The following CARMIL1 variants were observed in gnomAD, a reference collection of about 807,000 sequenced individuals.
CARMIL1 encodes capping protein regulator and myosin 1 linker 1.
Under a neutral mutation model 177.1 loss-of-function variants are expected in CARMIL1, and 90 were observed. That is an observed-to-expected ratio of 0.51 (90% confidence interval 0.43 to 0.61). CARMIL1 has a LOEUF of 0.61. CARMIL1 is among the 20% of genes least tolerant of loss of function. The pLI, the probability that CARMIL1 is intolerant of heterozygous loss-of-function variation, is 0.00. For synonymous variants in CARMIL1, 577 were observed against 606.2 expected, an observed-to-expected ratio of 0.95 and a Z score of 0.71; for missense variants, 1,380 against 1,667.0, an observed-to-expected ratio of 0.83 and a Z score of 3.00.
intron 17 of CARMIL1, among the ~76,000 whole-genome samples, chr6:25,502,444 A>C (rs575408778): frequency 6.6e-6 from 1 of 151,826 alleles, no homozygotes; most frequent in East Asian, 1.9e-4. Flanking sequence ...AATCCCAGCT[A>C]CTTGGGAGGC....
In CARMIL1 at chr6:25,577,677, G is replaced by C. The variant is rs3827502; in HGVS notation, c.2743-3247G>C. The stretch of plus-strand genomic sequence containing the variant: ...TTTGACAGGAAAAAAATGTTACGTT[G>C]TTTGGAAGGTTCCAAGATTAGTCTT... On this transcript the variant is annotated intron_variant, in intron 29 of 36. Coordinates refer to ENST00000329474, the MANE Select transcript of CARMIL1 (RefSeq NM_017640.6). The surrounding 1 kb of genome is among the most constrained non-coding windows in gnomAD (Gnocchi z 4.5). Among the ~76,000 whole-genome samples, 22,982 of 152,054 alleles carry C rather than the reference G, an allele frequency of 0.15. 1,840 individuals are homozygous for C. Among genetic ancestry groups the C allele is most frequent in the Middle Eastern group, 0.23 (67 of 294 alleles).
At chr6:25,590,916 T>G (rs1299240575) in intron 31 of CARMIL1, among the ~76,000 whole-genome samples, 1 of 152,186 alleles carries the variant, frequency 6.6e-6, no homozygotes, top group Non-Finnish European at 1.5e-5. Context: ...TTATCAATCC[T>G]CTCAAGTTCA....
chr6:25,458,525 C>G (rs1799735958), intron 8 of CARMIL1, among the ~76,000 whole-genome samples: 1 of 149,712 alleles, frequency 6.7e-6, no homozygotes, highest in Non-Finnish European at 1.5e-5. Flanking sequence ...AAATCAGAAG[C>G]CAAATGATTG....
chr6:25,559,118 T>G (rs1378606708), intron 29 of CARMIL1, among the ~76,000 whole-genome samples: 1 of 152,168 alleles, frequency 6.6e-6, no homozygotes, highest in Non-Finnish European at 1.5e-5. Context: ...ACCTTTCACA[T>G]GGCAGCAGCT....
At chr6:25,535,259 G>A (rs1808169625) in intron 24 of CARMIL1, among the ~76,000 whole-genome samples, 1 of 152,176 alleles carries the variant, frequency 6.6e-6, no homozygotes, top group South Asian at 2.1e-4. Flanking sequence ...TACAGGAAAG[G>A]AGGTCAAGGA....
chr6:25,607,923 A>T (rs1177293637), intron 35 of CARMIL1, among the ~76,000 whole-genome samples: 1 of 152,194 alleles, frequency 6.6e-6, no homozygotes, highest in Non-Finnish European at 1.5e-5. Flanking sequence ...TTCTACTCAA[A>T]CTTTTTCCCA....
intron 2 of CARMIL1, among the ~76,000 whole-genome samples, chr6:25,331,471 C>T (rs1785620525): frequency 6.6e-6 from 1 of 152,182 alleles, no homozygotes; most frequent in Non-Finnish European, 1.5e-5. Context: ...TTAATTAGCC[C>T]CACCCAGGCT....
At chr6:25,594,032 G>A (rs1814574719) in intron 31 of CARMIL1, among the ~76,000 whole-genome samples, 1 of 152,034 alleles carries the variant, frequency 6.6e-6, no homozygotes, top group South Asian at 2.1e-4. Context: ...ACACCTCAGG[G>A]CCCTGGAGTC....
In CARMIL1 at chr6:25,450,946, C is replaced by CCTCTCCTCTT. The variant is rs1562155076; in HGVS notation, c.614+244_614+245insTCTCTCCTCT. Among the ~76,000 whole-genome samples the CCTCTCCTCTT allele has an allele frequency of 6.7e-3, 103 of 15,364 alleles. 17 individuals carry two copies. Among genetic ancestry groups the CCTCTCCTCTT allele is most frequent in the East Asian group, 0.02 (4 of 198 alleles). 10.1% of individuals were successfully genotyped at this position (15,364 alleles called of 152,430 possible). A position where few individuals can be genotyped will look rare whatever the true frequency, so the allele number is the denominator to read the frequency against. On this transcript the variant is annotated intron_variant, in intron 8 of 36. Coordinates refer to ENST00000329474, the MANE Select transcript of CARMIL1 (RefSeq NM_017640.6). Reference sequence around the variant, plus strand: ...CCTCTCCTCTCCTCTCCTCTCCTCTCCTCTCCTCTCCTCTCCTCTCTTCTC... The same window carrying CCTCTCCTCTT: ...CCTCTCCTCTCCTCTCCTCTCCTCTCCTCTCCTCTTCTCTCCTCTCCTCTCCTCTCTTCTC...
chr6:25,332,557 A>G (rs908667278), intron 2 of CARMIL1, among the ~76,000 whole-genome samples: 2 of 152,124 alleles, frequency 1.3e-5, no homozygotes, highest in African/African-American at 4.8e-5. Context: ...TAGGTATGTG[A>G]TACTGACTTT....
intron 8 of CARMIL1, chr6:25,452,332 G>A (rs1582001629): frequency 1.4e-6 from 1 of 690,908 alleles, no homozygotes; most frequent in East Asian, 2.5e-5. Flanking sequence ...ATAAAAAAGT[G>A]AACTGAGAAA....
intron 23 of CARMIL1, among the ~76,000 whole-genome samples, chr6:25,523,304 A>G (rs990845489): frequency 8.5e-5 from 13 of 152,236 alleles, no homozygotes; most frequent in Admixed American, 5.2e-4. Flanking sequence ...AAATAAAGCT[A>G]TGTAATAACT....
Position 25,495,793 on chromosome 6 carries a change from G to GAGAAT in CARMIL1, c.1325+580_1325+584dup, listed in dbSNP as rs1323307476. Among the ~76,000 whole-genome samples the GAGAAT allele has an allele frequency of 3.3e-5, 5 of 152,236 alleles. No homozygotes were observed. In the East Asian group the frequency reaches 9.6e-4, roughly 29 times the overall value. The stretch of plus-strand genomic sequence containing the variant: ...AAAATTGTTAGCTAAATTGAGGTTT[G>GAGAAT]AGAATAATTTATTATCCTTGAGATT... On this transcript the variant is annotated intron_variant, in intron 16 of 36. Transcript: ENST00000329474.
At chr6:25,510,685 C>T (rs1398231648) in intron 19 of CARMIL1, 23 bp from the exon 20 acceptor site, 4 of 1,528,474 alleles carry the variant, frequency 2.6e-6, no homozygotes, top group Non-Finnish European at 3.6e-6. Context: ...ATTCCACTGT[C>T]CACATCTCTA....
At chr6:25,451,990 C>CCCG in intron 8 of CARMIL1, 1 of 60,996 alleles carries the variant, frequency 1.6e-5, no homozygotes, top group Non-Finnish European at 3.3e-5. Flanking sequence ...CATCTTGCCC[C>CCCG]CCCCTCCCCC....
chr6:25,509,650 C>G lies in CARMIL1; in HGVS notation c.1396-6C>G, dbSNP rs370087303. On this transcript the variant is annotated splice_region_variant and splice_polypyrimidine_tract_variant and intron_variant, in intron 17 of 36. Coordinates refer to ENST00000329474, the MANE Select transcript of CARMIL1 (RefSeq NM_017640.6). The surrounding 1 kb of genome is among the most constrained non-coding windows in gnomAD (Gnocchi z 4.1). ...TTTACTTTGTGTTTGGTTTGTGTTT[C>G]TCTAGCTGAGATCAGGAGGTGCTCA... 3 of 1,592,970 alleles carry G rather than the reference C, an allele frequency of 1.9e-6. No homozygotes were observed. The highest frequency in any genetic ancestry group is 2.6e-6 in the Non-Finnish European group (3 of 1,167,176).
intron 36 of CARMIL1, among the ~76,000 whole-genome samples, chr6:25,615,448 A>G (rs1206134776): frequency 6.6e-6 from 1 of 152,080 alleles, no homozygotes; most frequent in Non-Finnish European, 1.5e-5. Flanking sequence ...TCCTCTCTAC[A>G]TTTAATTATA....
intron 8 of CARMIL1, among the ~76,000 whole-genome samples, chr6:25,457,205 A>G (rs529105510): frequency 2.6e-5 from 4 of 151,686 alleles, no homozygotes; most frequent in South Asian, 2.1e-4. Context: ...ATTTTTGTCT[A>G]TTTTTTTCTC....
At chr6:25,279,925 C>G in intron 1 of CARMIL1, 90 bp downstream of exon 1, 1 of 1,487,460 alleles carries the variant, frequency 6.7e-7, no homozygotes, top group East Asian at 2.3e-5. Flanking sequence ...CCGCAGGTCT[C>G]GAGAAGTCTT....
Sources: allele counts gnomAD v4.1 joint callset (sites outside exome capture counted in the v4.1 genomes callset), GRCh38; gene constraint gnomAD v4.1.1; non-coding constraint Gnocchi (gnomAD v3.1); transcripts MANE v1.5; gene names NCBI Gene and HGNC (gene_info 2026-07-23, HGNC 2026-07-21).